ARHGAP15: variants seen among roughly 807,000 people sequenced by gnomAD.
The protein encoded by ARHGAP15 is rho GTPase-activating protein 15.
In ARHGAP15, 51 loss-of-function variants were observed where a neutral mutation model predicts 63.7. That is an observed-to-expected ratio of 0.80 (90% CI 0.64 to 1.01). The LOEUF is 1.01. ARHGAP15 is among the 50% of genes least tolerant of loss of function. The probability of loss-of-function intolerance (pLI) is 0.00; values close to 1 mark genes in which losing one functional copy is unlikely to be tolerated. For missense variants in ARHGAP15, 560 were observed against 564.6 expected (o/e 0.99, Z 0.08); for synonymous variants, 191 against 193.8 (o/e 0.99, Z 0.12).
chr2:143,676,219 G>A (rs1682818401), intron 12 of ARHGAP15: 1 of 152,262 alleles, frequency 6.6e-6, no homozygotes, highest in Non-Finnish European at 1.5e-5. Context: ...TGGCTTAAGG[G>A]AATGTTGTGG....
chr2:143,500,735 A>C (rs1693019886), intron 9 of ARHGAP15, among the ~76,000 whole-genome samples: 1 of 152,214 alleles, frequency 6.6e-6, no homozygotes, highest in Admixed American at 6.5e-5. Flanking sequence ...CCGTTGAATC[A>C]TGCTTTTGTT....
intron 5 of ARHGAP15, among the ~76,000 whole-genome samples, chr2:143,231,786 A>T (rs753059208): frequency 2.4e-4 from 37 of 152,294 alleles, no homozygotes; most frequent in South Asian, 6.2e-4. Context: ...GCACAGGTGA[A>T]TCTGGTGTCT....
intron 13 of ARHGAP15, among the ~76,000 whole-genome samples, chr2:143,743,063 A>G (rs1276453527): frequency 6.6e-6 from 1 of 152,170 alleles, no homozygotes; most frequent in Non-Finnish European, 1.5e-5. Context: ...AACTAAAGAG[A>G]GCGGCGACTG....
chr2:143,625,612 T>G (rs1425221272), intron 12 of ARHGAP15, among the ~76,000 whole-genome samples: 1 of 152,160 alleles, frequency 6.6e-6, no homozygotes, highest in Admixed American at 6.6e-5. Context: ...TGTTTCATAG[T>G]TCAGCATGCT....
At chr2:143,226,786 T>A (rs1693229259) in intron 4 of ARHGAP15, among the ~76,000 whole-genome samples, 1 of 152,220 alleles carries the variant, frequency 6.6e-6, no homozygotes, top group Non-Finnish European at 1.5e-5. Context: ...GTGCTTCTTG[T>A]GTGTCTGCTT....
intron 6 of ARHGAP15, among the ~76,000 whole-genome samples, chr2:143,320,392 A>C (rs1400989855): frequency 1.9e-5 from 2 of 105,566 alleles, no homozygotes; most frequent in African/African-American, 3.4e-5. Context: ...TAAATGCCAC[A>C]AATCAGGACT....
intron 13 of ARHGAP15, among the ~76,000 whole-genome samples, chr2:143,750,707 AC>A (rs1686340546): frequency 6.6e-6 from 1 of 152,170 alleles, no homozygotes; most frequent in Non-Finnish European, 1.5e-5. Context: ...TTTAAAATGT[AC>A]CCAGGCCTAA....
chr2:143,135,354 T>C (rs997898992), intron 1 of ARHGAP15, among the ~76,000 whole-genome samples: 1 of 152,242 alleles, frequency 6.6e-6, no homozygotes, highest in Admixed American at 6.5e-5. Context: ...ACTTATTTTT[T>C]ATCTTTTGCT....
intron 11 of ARHGAP15, among the ~76,000 whole-genome samples, chr2:143,606,582 A>G (rs1400417875): frequency 6.6e-6 from 1 of 152,200 alleles, no homozygotes; most frequent in African/African-American, 2.4e-5. Context: ...AGCAATGTAT[A>G]ACAATCCTTA....
At chr2:143,379,487 A>ATATGTGTGTGTG (rs1202571594) in intron 6 of ARHGAP15, among the ~76,000 whole-genome samples, 3 of 129,842 alleles carry the variant, frequency 2.3e-5, no homozygotes, top group African/African-American at 5.8e-5. Context: ...AGGCATATAT[A>ATATGTGTGTGTG]TGTGTGTGTG....
At chr2:143,618,478 C>A (rs1698527623) in intron 11 of ARHGAP15, among the ~76,000 whole-genome samples, 1 of 152,194 alleles carries the variant, frequency 6.6e-6, no homozygotes. Flanking sequence ...GTAACAAGTT[C>A]TTTTCACTGT....
At chr2:143,762,075 G>A (rs1206770481) in intron 13 of ARHGAP15, among the ~76,000 whole-genome samples, 3 of 152,066 alleles carry the variant, frequency 2.0e-5, no homozygotes. Context: ...TTCAAGAATT[G>A]CAGTTTGGGG....
At chr2:143,302,172 T>A (rs1348455485) in intron 6 of ARHGAP15, among the ~76,000 whole-genome samples, 2 of 152,068 alleles carry the variant, frequency 1.3e-5, no homozygotes, top group East Asian at 3.9e-4. Flanking sequence ...AAGATATGAA[T>A]ATCAGATGTC....
chr2:143,169,786 G>C (rs1208679242), intron 2 of ARHGAP15, among the ~76,000 whole-genome samples: 1 of 151,230 alleles, frequency 6.6e-6, no homozygotes, highest in Non-Finnish European at 1.5e-5. Context: ...GGTTCAATCA[G>C]AACTATCAGT....
chr2:143,720,652 G>GT (rs1296598870), intron 13 of ARHGAP15, among the ~76,000 whole-genome samples: 1 of 152,184 alleles, frequency 6.6e-6, no homozygotes, highest in Non-Finnish European at 1.5e-5. Flanking sequence ...GAACTGTGAA[G>GT]TCTCCTCTGC....
chr2:143,689,269 A>G (rs1256126457), intron 12 of ARHGAP15, among the ~76,000 whole-genome samples: 3 of 152,104 alleles, frequency 2.0e-5, no homozygotes, highest in Non-Finnish European at 2.9e-5. Flanking sequence ...CAAATCATCT[A>G]TATAATTGTC....
chr2:143,624,537 T>C (rs1289179727), intron 12 of ARHGAP15, among the ~76,000 whole-genome samples: 1 of 152,120 alleles, frequency 6.6e-6, no homozygotes, highest in Admixed American at 6.6e-5. Flanking sequence ...CAAATGAAAA[T>C]AGTGTCTCAT....
intron 13 of ARHGAP15, among the ~76,000 whole-genome samples, chr2:143,739,979 ATCTC>A (rs1443103307): frequency 1.3e-5 from 2 of 151,958 alleles, no homozygotes; most frequent in African/African-American, 4.8e-5. Context: ...TACTTTCATA[ATCTC>A]TCTTTTTGCA....
chr2:143,632,039 T>C (rs1336547507), intron 12 of ARHGAP15, among the ~76,000 whole-genome samples: 1 of 152,106 alleles, frequency 6.6e-6, no homozygotes, highest in African/African-American at 2.4e-5. Context: ...TGATGCATAA[T>C]TGTACATATT....
Sources: gnomAD v4.1 joint callset for allele counts (sites outside exome capture counted in the v4.1 genomes callset) on GRCh38, gnomAD v4.1.1 for gene constraint, MANE v1.5 for transcripts, NCBI Gene and HGNC (gene_info 2026-07-23, HGNC 2026-07-21) for gene names.